The following CPLANE1 variants were observed in gnomAD, a reference collection of about 807,000 sequenced individuals.
CPLANE1 encodes the protein ciliogenesis and planar polarity effector complex subunit 1.
CPLANE1 carries 263 observed loss-of-function variants against 362.5 expected under a neutral mutation model. That is an observed-to-expected ratio of 0.73 (90% CI 0.66 to 0.80). CPLANE1 has a LOEUF of 0.80. CPLANE1 is among the 30% of genes least tolerant of loss of function. The pLI, the probability that CPLANE1 is intolerant of heterozygous loss-of-function variation, is 0.00. For synonymous variants in CPLANE1, 1,212 were observed against 1,302.6 expected (o/e 0.93, Z 1.50); for missense variants, 3,461 against 3,793.4 (o/e 0.91, Z 2.30).
At chr5:37,086,001 T>C in the CPLANE1 span, 46 of 590,984 alleles carry the variant, frequency 7.8e-5, no homozygotes, top group South Asian at 9.0e-4. Context: ...CAGGAAAATA[T>C]CACAATCCTA....
intron 46 of CPLANE1, among the ~76,000 whole-genome samples, chr5:37,136,646 C>T (rs774800978): frequency 3.0e-4 from 45 of 152,238 alleles, no homozygotes; most frequent in Non-Finnish European, 5.3e-4. Context: ...TAGCTATACC[C>T]TTGCAACAAA....
At chr5:37,225,022 C>T (rs1796146501) in intron 12 of CPLANE1, among the ~76,000 whole-genome samples, 1 of 150,194 alleles carries the variant, frequency 6.7e-6, no homozygotes, top group East Asian at 2.0e-4. Context: ...TGGGCCCAAG[C>T]GATCACCCTA....
chr5:37,190,216 G>A (rs1471278472), intron 21 of CPLANE1, among the ~76,000 whole-genome samples: 1 of 152,030 alleles, frequency 6.6e-6, no homozygotes, highest in Non-Finnish European at 1.5e-5. Context: ...AAACGATCGA[G>A]TTTCCACAAT....
Position 37,175,891 on chromosome 5 carries a change from G to T in CPLANE1, c.5978+18C>A. The T allele has an allele frequency of 1.3e-6, 2 of 1,562,408 alleles. No individual in the cohort carries two copies. Among genetic ancestry groups the T allele is most frequent in the Non-Finnish European group, 1.8e-6 (2 of 1,134,158 alleles). On this transcript the variant is annotated intron_variant, in intron 31 of 52. Coordinates refer to ENST00000651892, the MANE Select transcript of CPLANE1 (RefSeq NM_001384732.1). The stretch of plus-strand genomic sequence containing the variant: ...AACACAACTATTTTTAAATGGTATA[G>T]TAGGCAAAACTTCTTACCTAGAAAT...
At chr5:37,224,361 C>A in intron 13 of CPLANE1, 28 bp from the exon 14 acceptor site, 1 of 1,454,788 alleles carries the variant, frequency 6.9e-7, no homozygotes, top group South Asian at 1.3e-5. Context: ...AACAATTAGT[C>A]ATAGTTAATT....
the CPLANE1 span, among the ~76,000 whole-genome samples, chr5:37,086,618 G>A: frequency 2.0e-5 from 3 of 152,274 alleles, no homozygotes; most frequent in South Asian, 6.2e-4. Flanking sequence ...GCAGGATAAC[G>A]CTCTGTGGGG....
chr5:37,240,242 C>G (rs1326848907), intron 6 of CPLANE1, among the ~76,000 whole-genome samples: 1 of 151,936 alleles, frequency 6.6e-6, no homozygotes, highest in Non-Finnish European at 1.5e-5. Flanking sequence ...CCAAGCTATT[C>G]GGGAGGCTGA....
intron 51 of CPLANE1, among the ~76,000 whole-genome samples, chr5:37,111,993 T>C (rs982801330): frequency 2.6e-5 from 4 of 151,962 alleles, no homozygotes; most frequent in African/African-American, 7.3e-5. Context: ...CACTTCAAAG[T>C]AGATGGGAAC....
chr5:37,170,989 C>T (rs1779645579), intron 32 of CPLANE1, among the ~76,000 whole-genome samples: 1 of 152,124 alleles, frequency 6.6e-6, no homozygotes, highest in African/African-American at 2.4e-5. Flanking sequence ...CAGTTTTCAG[C>T]AATGAGCAGA....
At chr5:37,203,816 C>A (rs754100247) in intron 18 of CPLANE1, among the ~76,000 whole-genome samples, 6 of 152,148 alleles carry the variant, frequency 3.9e-5, no homozygotes, top group Non-Finnish European at 7.3e-5. Context: ...CTGCGCCTGG[C>A]TTCATGTACA....
chr5:37,157,228 C>T, intron 41 of CPLANE1, 85 bp downstream of exon 41: 4 of 703,296 alleles, frequency 5.7e-6, no homozygotes, highest in Admixed American at 5.0e-5. Flanking sequence ...TTTCTGGTTT[C>T]TTTTGCAATT....
At chr5:37,169,942 G>C in intron 33 of CPLANE1, 99 bp downstream of exon 33, 2 of 1,186,510 alleles carry the variant, frequency 1.7e-6, no homozygotes, top group Non-Finnish European at 2.4e-6. Flanking sequence ...GGCCAGGCTG[G>C]TCTCGAACTC....
intron 46 of CPLANE1, among the ~76,000 whole-genome samples, chr5:37,135,454 G>A (rs750690561): frequency 9.2e-5 from 14 of 152,262 alleles, no homozygotes; most frequent in South Asian, 8.3e-4. Flanking sequence ...TATAATCATC[G>A]CGGAAGGGGA....
intron 16 of CPLANE1, among the ~76,000 whole-genome samples, chr5:37,207,057 G>T (rs560980148): frequency 2.2e-4 from 33 of 152,326 alleles, no homozygotes; most frequent in African/African-American, 7.7e-4. Flanking sequence ...TAATAAGATT[G>T]CCATCTGGCC....
At chr5:37,128,854 A>C (rs1764965879) in intron 46 of CPLANE1, among the ~76,000 whole-genome samples, 1 of 150,638 alleles carries the variant, frequency 6.6e-6, no homozygotes, top group East Asian at 1.9e-4. Flanking sequence ...GTCAAAAAAA[A>C]CCAAAAAAAA....
intron 15 of CPLANE1, among the ~76,000 whole-genome samples, chr5:37,216,581 G>A (rs917503305): frequency 2.0e-5 from 3 of 151,084 alleles, no homozygotes; most frequent in Non-Finnish European, 4.4e-5. Context: ...GGAGTGAAGG[G>A]AGATGGCTAG....
intron 43 of CPLANE1, 42 bp from the exon 44 acceptor site, chr5:37,142,522 G>A (rs1260881166): frequency 8.6e-6 from 11 of 1,274,408 alleles, no homozygotes; most frequent in Non-Finnish European, 1.2e-5. Context: ...AAATAGTAGA[G>A]GAAAAAAGAT....
At position 37,149,005 on chromosome 5, in the gene CPLANE1, T is replaced by G. The variant is rs534395596; in HGVS notation, c.8374-737A>C. ...GGCAGAGATTGCAGTGAGCCAAGAT[T>G]GAGCCACTGCACTCCAGCCTGGATG... On this transcript the variant is annotated intron_variant, in intron 42 of 52. Coordinates refer to ENST00000651892, the MANE Select transcript of CPLANE1 (RefSeq NM_001384732.1). Among the ~76,000 whole-genome samples the G allele has an allele frequency of 7.2e-5, 11 of 152,252 alleles. No homozygotes were observed. In the South Asian group the frequency reaches 2.1e-3, roughly 29 times the overall value.
intron 18 of CPLANE1, 112 bp from the exon 19 acceptor site, chr5:37,201,920 T>C (rs1001095988): frequency 5.9e-6 from 4 of 672,492 alleles, no homozygotes; most frequent in African/African-American, 3.6e-5. Context: ...AATGAACACA[T>C]TGGTTGACAT....
Sources: gnomAD v4.1 joint callset for allele counts (sites outside exome capture counted in the v4.1 genomes callset) on GRCh38, gnomAD v4.1.1 for gene constraint, MANE v1.5 for transcripts, NCBI Gene and HGNC (gene_info 2026-07-23, HGNC 2026-07-21) for gene names.